The following ABCA13 variants were observed in gnomAD, a reference collection of about 807,000 sequenced individuals.
ABCA13 encodes the protein ATP binding cassette subfamily A member 13.
ABCA13 carries 476 observed loss-of-function variants against 478.7 expected under a neutral mutation model. The ratio of observed to expected loss-of-function variants is 0.99; its 90% confidence interval spans 0.92 to 1.07. The LOEUF is 1.07. ABCA13 is among the 50% of genes least tolerant of loss of function. ABCA13 has a pLI of 0.00. For missense variants in ABCA13, 6,060 were observed against 5,910.6 expected (o/e 1.03, Z -0.83); for synonymous variants, 2,252 against 2,158.9 (o/e 1.04, Z -1.20).
intron 59 of ABCA13, among the ~76,000 whole-genome samples, chr7:48,637,689 A>C (rs1794784845): frequency 6.6e-6 from 1 of 152,100 alleles, no homozygotes; most frequent in South Asian, 2.1e-4. Flanking sequence ...ATAATGCTGG[A>C]GATGAGGCTA....
intron 19 of ABCA13, 42 bp from the exon 20 acceptor site, chr7:48,287,918 G>A (rs756313683): frequency 6.7e-7 from 1 of 1,498,780 alleles, no homozygotes; most frequent in South Asian, 1.1e-5. Flanking sequence ...GTTCAGGAGA[G>A]GACTGTCTAT....
chr7:48,598,465 G>A (rs910370780), intron 58 of ABCA13, among the ~76,000 whole-genome samples: 1 of 152,076 alleles, frequency 6.6e-6, no homozygotes, highest in Non-Finnish European at 1.5e-5. Flanking sequence ...TTGCTGGATC[G>A]GATGGTAAGA....
chr7:48,569,414 A>G (rs995069524), intron 55 of ABCA13, among the ~76,000 whole-genome samples: 6 of 152,168 alleles, frequency 3.9e-5, no homozygotes, highest in Non-Finnish European at 7.4e-5. Flanking sequence ...ACACATTTGG[A>G]ATTTCCCAAA....
At chr7:48,429,092 G>T (rs1384421879) in intron 42 of ABCA13, among the ~76,000 whole-genome samples, 1 of 152,104 alleles carries the variant, frequency 6.6e-6, no homozygotes, top group Non-Finnish European at 1.5e-5. Flanking sequence ...ATGTTTTTGA[G>T]GTTCATCCAT....
chr7:48,381,541 C>T (rs978694416), intron 35 of ABCA13, among the ~76,000 whole-genome samples: 3 of 152,162 alleles, frequency 2.0e-5, no homozygotes, highest in African/African-American at 7.2e-5. Flanking sequence ...CATTTCCTGG[C>T]CTGCGGGGCT....
chr7:48,506,027 A>T (rs2130858262), intron 48 of ABCA13, among the ~76,000 whole-genome samples: 1 of 152,326 alleles, frequency 6.6e-6, no homozygotes, highest in Non-Finnish European at 1.5e-5. Flanking sequence ...CTGCAAACAT[A>T]GGCTATGGGA....
At chr7:48,291,813 A>G (rs1313006797) in intron 20 of ABCA13, among the ~76,000 whole-genome samples, 2 of 152,108 alleles carry the variant, frequency 1.3e-5, no homozygotes, top group South Asian at 2.1e-4. Context: ...CAACCTTCAC[A>G]TGCGGAATCT....
At chr7:48,240,425 A>G (rs961305183) in intron 9 of ABCA13, among the ~76,000 whole-genome samples, 11 of 152,352 alleles carry the variant, frequency 7.2e-5, no homozygotes, top group African/African-American at 2.2e-4. Context: ...ATGACAAACC[A>G]CAGTGCTAAT....
At chr7:48,363,572 G>A (rs1433518) in intron 31 of ABCA13, among the ~76,000 whole-genome samples, 24,252 of 151,754 alleles carry the variant, frequency 0.16, 2,097 homozygotes, top group East Asian at 0.31. Flanking sequence ...AATTGCCTGC[G>A]TTTCTTTTCC....
intron 58 of ABCA13, among the ~76,000 whole-genome samples, chr7:48,609,462 T>C (rs73694694): frequency 0.1 from 15,437 of 152,200 alleles, 1,300 homozygotes; most frequent in African/African-American, 0.23. Flanking sequence ...TTGGACATTT[T>C]CCCCTGAATT....
chr7:48,638,498 T>A (rs940016957), intron 59 of ABCA13, among the ~76,000 whole-genome samples: 3 of 152,212 alleles, frequency 2.0e-5, no homozygotes, highest in African/African-American at 7.2e-5. Flanking sequence ...GGAATGTGAG[T>A]GCCAGCTGCC....
chr7:48,422,055 CAAAAAAAAAAAAAAA>C (rs4022355), intron 41 of ABCA13, among the ~76,000 whole-genome samples: 1 of 80,578 alleles, frequency 1.2e-5, no homozygotes, highest in Non-Finnish European at 2.4e-5. Flanking sequence ...GTCTTTCTTA[CAAAAAAAAAAAAAAA>C]AAAAAAAAAA....
At chr7:48,315,568 C>T (rs1284265658) in intron 26 of ABCA13, among the ~76,000 whole-genome samples, 2 of 152,072 alleles carry the variant, frequency 1.3e-5, no homozygotes, top group Admixed American at 1.3e-4. Flanking sequence ...CAAGCTCCGC[C>T]TCCCAGGTTC....
intron 15 of ABCA13, among the ~76,000 whole-genome samples, chr7:48,267,862 A>G (rs529995495): frequency 4.3e-4 from 65 of 152,226 alleles, no homozygotes; most frequent in African/African-American, 1.5e-3. Flanking sequence ...TCCAAATATT[A>G]CACATTTTAA....
In ABCA13 at chr7:48,274,410, G is replaced by A. The variant is rs1032462706; in HGVS notation, c.4744G>A (p.Ala1582Thr). Residue 1582 changes from alanine to threonine, a missense_variant, in exon 17 of 62, where the codon GCC becomes ACC. Ala to Thr is a moderately conservative substitution (Grantham distance 58, BLOSUM62 0). Around this residue, in one of 3 missense-constraint regions of ABCA13, gnomAD observed 4,423 missense variants for 4,309.1 expected, o/e 1.03. Transcript: ENST00000435803. The stretch of plus-strand genomic sequence containing the variant: ...AACTGAAAACTTGTTAAACATATTT[G>A]CCACCAGTCCAAAAGAAAAGGATGT... ...SKTENLLNIF[A>T]TSPKEKDVNS... 1 of 1,612,700 alleles carries A rather than the reference G, an allele frequency of 6.2e-7. No homozygotes were observed. The highest frequency in any genetic ancestry group is 1.3e-5 in the African/African-American group (1 of 74,880).
intron 55 of ABCA13, among the ~76,000 whole-genome samples, chr7:48,565,148 C>T (rs1464958708): frequency 6.6e-6 from 1 of 150,914 alleles, no homozygotes; most frequent in African/African-American, 2.4e-5. Context: ...GTCTTTTCCT[C>T]CAATAAATTA....
intron 58 of ABCA13, among the ~76,000 whole-genome samples, chr7:48,609,834 A>G (rs1354175216): frequency 6.6e-6 from 1 of 152,176 alleles, no homozygotes; most frequent in East Asian, 1.9e-4. Context: ...TCTCATGAGA[A>G]CTCACTCACT....
chr7:48,220,748 A>G (rs1002070541), intron 4 of ABCA13, among the ~76,000 whole-genome samples: 2 of 152,202 alleles, frequency 1.3e-5, no homozygotes, highest in African/African-American at 4.8e-5. Context: ...CTTTTATAAA[A>G]TTTGATTTTC....
chr7:48,454,923 G>A, intron 42 of ABCA13, 114 bp from the exon 43 acceptor site: 1 of 1,374,738 alleles, frequency 7.3e-7, no homozygotes, highest in Non-Finnish European at 9.5e-7. Context: ...GTGGGCCTGC[G>A]TCGCATTCCC....
Sources: allele counts gnomAD v4.1 joint callset (sites outside exome capture counted in the v4.1 genomes callset), GRCh38; gene constraint gnomAD v4.1.1; regional missense constraint gnomAD v4.1.1; transcripts MANE v1.5; gene names NCBI Gene and HGNC (gene_info 2026-07-23, HGNC 2026-07-21).